The following IL1RAPL1 variants were observed in gnomAD, a reference collection of about 807,000 sequenced individuals.
IL1RAPL1 encodes the protein interleukin 1 receptor accessory protein like 1.
Under a neutral mutation model 48.4 loss-of-function variants are expected in IL1RAPL1, and 3 were observed. That is an observed-to-expected ratio of 0.06 (90% CI 0.03 to 0.16). The LOEUF (loss-of-function observed/expected upper bound fraction) is 0.16. IL1RAPL1 is among the 10% of genes least tolerant of loss of function. The probability of loss-of-function intolerance (pLI) is 1.00; values close to 1 mark genes in which losing one functional copy is unlikely to be tolerated. For missense variants in IL1RAPL1, 349 were observed against 530.6 expected (o/e 0.66, Z 3.36); for synonymous variants, 185 against 187.7 (o/e 0.99, Z 0.12).
chrX:28,736,683 G>A (rs1021365509), intron 1 of IL1RAPL1, among the ~76,000 whole-genome samples: 2 of 111,878 alleles, frequency 1.8e-5, no homozygotes, highest in African/African-American at 6.5e-5. Flanking sequence ...AAGACAGCCT[G>A]TGCAATTATT....
intron 2 of IL1RAPL1, among the ~76,000 whole-genome samples, chrX:29,114,774 C>T (rs890547737): frequency 9.1e-6 from 1 of 110,319 alleles, no homozygotes; most frequent in Non-Finnish European, 1.9e-5. Flanking sequence ...GGATTACAGG[C>T]ATCTGCCACC....
chrX:29,609,312 T>A (rs1602324070), intron 5 of IL1RAPL1, among the ~76,000 whole-genome samples: 1 of 112,648 alleles, frequency 8.9e-6, no homozygotes, highest in East Asian at 2.8e-4. Context: ...GCTTATGTAA[T>A]ACAGGCCAAA....
At chrX:29,059,362 G>A (rs1169016081) in intron 2 of IL1RAPL1, among the ~76,000 whole-genome samples, 1 of 111,291 alleles carries the variant, frequency 9.0e-6, no homozygotes, top group African/African-American at 3.3e-5. Context: ...TTTTCTATAT[G>A]AAAACCATAG....
chrX:29,082,322 C>G lies in IL1RAPL1; in HGVS notation c.83-200616C>G. 2.7e-5 allele frequency among the ~76,000 whole-genome samples: 3 copies of G among 111,730 alleles called. No homozygotes were observed. In the South Asian group the frequency reaches 1.1e-3, roughly 42 times the overall value. On this transcript the variant is annotated intron_variant, in intron 2 of 10. Coordinates refer to ENST00000378993, the MANE Select transcript of IL1RAPL1 (RefSeq NM_014271.4). ...ATATTGTTGGCTAGTCATAATGTTC[C>G]CATTCATAAAGGATAACTGTGTAAT... is the stretch of plus-strand genomic sequence containing the variant.
intron 2 of IL1RAPL1, among the ~76,000 whole-genome samples, chrX:29,242,696 A>G (rs761348743): frequency 3.7e-4 from 41 of 112,285 alleles, no homozygotes; most frequent in Non-Finnish European, 6.2e-4. Context: ...TAATAACAAC[A>G]GTTCTTAGAT....
chrX:29,624,389 T>C (rs887525293), intron 5 of IL1RAPL1, among the ~76,000 whole-genome samples: 4 of 112,569 alleles, frequency 3.6e-5, no homozygotes, highest in African/African-American at 6.5e-5. Context: ...ACAACTACTT[T>C]AGTATTCACT....
chrX:29,526,313 G>C (rs1350353354), intron 5 of IL1RAPL1, among the ~76,000 whole-genome samples: 1 of 111,236 alleles, frequency 9.0e-6, no homozygotes, highest in Non-Finnish European at 1.9e-5. Flanking sequence ...ACCTGGGTTT[G>C]ATATTGGAAA....
At chrX:29,301,776 G>A (rs1285736339) in intron 3 of IL1RAPL1, among the ~76,000 whole-genome samples, 4 of 110,826 alleles carry the variant, frequency 3.6e-5, no homozygotes, top group South Asian at 3.8e-4. Context: ...ATCACTGTAC[G>A]GCAAATGCTG....
chrX:29,846,521 G>A (rs943485510), intron 6 of IL1RAPL1, among the ~76,000 whole-genome samples: 3 of 110,360 alleles, frequency 2.7e-5, no homozygotes, highest in African/African-American at 9.9e-5. Context: ...ATGTCTCTAT[G>A]TTAAGAGATA....
Position 28,820,901 on chromosome X carries a change from A to G in IL1RAPL1, c.82+31476A>G, listed in dbSNP as rs148872021. 5.8e-3 allele frequency among the ~76,000 whole-genome samples: 648 copies of G among 111,141 alleles called. 7 individuals are homozygous for G. Among genetic ancestry groups the G allele is most frequent in the African/African-American group, 0.02 (607 of 30,578 alleles). On this transcript the variant is annotated intron_variant, in intron 2 of 10. Transcript: ENST00000378993. ...GTACAAATGCTTCGAGTTGGCTGAAACAGTTCTGGAATATACAAGGAAAGG... is the reference window on the plus strand; with the variant it reads ...GTACAAATGCTTCGAGTTGGCTGAAGCAGTTCTGGAATATACAAGGAAAGG...
chrX:29,386,066 G>A (rs772082680), intron 3 of IL1RAPL1, among the ~76,000 whole-genome samples: 10 of 111,944 alleles, frequency 8.9e-5, no homozygotes, highest in Admixed American at 1.9e-4. Flanking sequence ...GTCTCACTCT[G>A]TTTCTCAGGC....
chrX:29,679,593 T>A (rs1926389279), intron 6 of IL1RAPL1, among the ~76,000 whole-genome samples: 1 of 112,172 alleles, frequency 8.9e-6, no homozygotes, highest in African/African-American at 3.2e-5. Context: ...ATTTGTTTTT[T>A]AAATCAGGTT....
At chrX:28,789,601 G>C (rs1936512221) in intron 2 of IL1RAPL1, among the ~76,000 whole-genome samples, 176 bp downstream of exon 2, 1 of 112,327 alleles carries the variant, frequency 8.9e-6, no homozygotes, top group East Asian at 2.8e-4. Context: ...AGGAAAGTGA[G>C]AGTGGATTCA....
chrX:29,597,166 T>A (rs1363913128), intron 5 of IL1RAPL1, among the ~76,000 whole-genome samples: 7 of 103,607 alleles, frequency 6.8e-5, no homozygotes, highest in African/African-American at 2.1e-4. Context: ...TTTTTTTTTT[T>A]TTTTGAGACT....
At chrX:29,889,642 T>A (rs1315699053) in intron 6 of IL1RAPL1, among the ~76,000 whole-genome samples, 1 of 112,020 alleles carries the variant, frequency 8.9e-6, no homozygotes, top group Non-Finnish European at 1.9e-5. Flanking sequence ...CATGTGTGTA[T>A]ACTGTATATG....
chrX:29,108,265 A>G (rs1260972516), intron 2 of IL1RAPL1, among the ~76,000 whole-genome samples: 1 of 111,900 alleles, frequency 8.9e-6, no homozygotes, highest in Non-Finnish European at 1.9e-5. Context: ...TTGTAGTTGT[A>G]GATAGTTCAT....
chrX:29,820,039 CTAAG>C lies in IL1RAPL1; in HGVS notation c.779-97423_779-97420del, dbSNP rs201308169. Among the ~76,000 whole-genome samples the C allele has an allele frequency of 9.3e-3, 985 of 105,654 alleles. 13 individuals are homozygous for C. The highest frequency in any genetic ancestry group is 0.032 in the African/African-American group (926 of 29,353). The allele number at this position is 105,654 out of a possible 115,157, so 91.7% of individuals were successfully genotyped here. On this transcript the variant is annotated intron_variant, in intron 6 of 10. Transcript: ENST00000378993. The stretch of plus-strand genomic sequence containing the variant: ...TTTTATCTTCTAACAGCTTTATAAT[CTAAG>C]TGTTATATAAGTATTTTATATTTAT...
intron 5 of IL1RAPL1, among the ~76,000 whole-genome samples, chrX:29,498,900 T>C (rs1440553289): frequency 8.9e-6 from 1 of 112,080 alleles, no homozygotes; most frequent in Non-Finnish European, 1.9e-5. Flanking sequence ...TGTTGGGATG[T>C]AAAAAATAAA....
At chrX:28,790,995 TGTAA>T (rs1472571219) in intron 2 of IL1RAPL1, among the ~76,000 whole-genome samples, 1 of 112,039 alleles carries the variant, frequency 8.9e-6, no homozygotes, top group Non-Finnish European at 1.9e-5. Flanking sequence ...CACTCATTTG[TGTAA>T]GTATTATAAC....
Sources: allele counts gnomAD v4.1 joint callset (sites outside exome capture counted in the v4.1 genomes callset), GRCh38; gene constraint gnomAD v4.1.1; transcripts MANE v1.5; gene names NCBI Gene and HGNC (gene_info 2026-07-23, HGNC 2026-07-21).